Variants in ECI1 observed in about 807,000 individuals in gnomAD.
ECI1 encodes enoyl-CoA delta isomerase 1, mitochondrial.
In ECI1, 34 loss-of-function variants were observed where a neutral mutation model predicts 34.2. The observed-to-expected ratio is 1.00, with a 90% CI of 0.76 to 1.33. The LOEUF is 1.33. Ranked by LOEUF, ECI1 falls within the 40% of genes most tolerant of loss-of-function variation. ECI1 has a pLI of 0.00. For missense variants in ECI1, 456 were observed against 422.2 expected (o/e 1.08, Z -0.70); for synonymous variants, 211 against 193.0 (o/e 1.09, Z -0.77).
At chr16:2,246,668 G>A (rs114565877) in intron 3 of ECI1, among the ~76,000 whole-genome samples, 191 bp downstream of exon 3, 2,851 of 152,312 alleles carry the variant, frequency 0.019, 83 homozygotes, top group African/African-American at 0.064. Flanking sequence ...GGTCCCTGCT[G>A]GGGCACACCC....
At chr16:2,251,240 C>A in intron 2 of ECI1, 76 bp downstream of exon 2, 1 of 676,802 alleles carries the variant, frequency 1.5e-6, no homozygotes, top group Non-Finnish European at 1.9e-6. Flanking sequence ...ACGTGGTTCT[C>A]CGACAGCACC....
At chr16:2,249,414 C>G (rs371014610) in intron 2 of ECI1, among the ~76,000 whole-genome samples, 1 of 151,980 alleles carries the variant, frequency 6.6e-6, no homozygotes, top group Non-Finnish European at 1.5e-5. Flanking sequence ...AATATACTTA[C>G]GGCCACGGGG....
chr16:2,250,969 G>A (rs976527134), intron 2 of ECI1, among the ~76,000 whole-genome samples: 6 of 151,932 alleles, frequency 3.9e-5, no homozygotes, highest in Non-Finnish European at 5.9e-5. Flanking sequence ...GCACCACCAC[G>A]CCCAGCTAAT....
chr16:2,244,393 T>C lies in ECI1; in HGVS notation c.441+13A>G. 1 of 1,610,704 alleles carries C rather than the reference T, an allele frequency of 6.2e-7. No homozygotes were observed. The highest frequency in any genetic ancestry group is 8.5e-7 in the Non-Finnish European group (1 of 1,179,248). On this transcript the variant is annotated intron_variant, in intron 4 of 6. Transcript: ENST00000301729. ...AACAGCCAGCGAGGCCACCTGGGAG[T>C]GGGGACACTCACGTTGATGGCGGAG...
At position 2,251,391 on chromosome 16, in the gene ECI1, G is replaced by A; in HGVS notation, c.91C>T (p.Arg31Trp). ...GCGCCGTCTCCGCCGCCGGCCGCCC[G>A]CTCCGTCCGCCCGAGGGCCGCGCCC... Reference protein sequence around the residue: ...LPGAALGRTERAAGGGDGARR... With the variant: ...LPGAALGRTEWAAGGGDGARR... The change falls in exon 2 of 7, where the codon CGG becomes TGG. Residue 31 changes from arginine (R) to tryptophan (W), a missense_variant. Arg to Trp is a moderately radical substitution (Grantham distance 101). Transcript: ENST00000301729. 1.6e-6 allele frequency: 2 copies of A among 1,272,650 alleles called. No homozygotes were observed. The highest frequency in any genetic ancestry group is 4.0e-5 in the Admixed American group (1 of 25,180). 78.8% of individuals were successfully genotyped at this position (1,272,650 alleles called of 1,614,324 possible).
chr16:2,247,394 C>T (rs540088371), intron 2 of ECI1, among the ~76,000 whole-genome samples: 1 of 152,128 alleles, frequency 6.6e-6, no homozygotes, highest in South Asian at 2.1e-4. Context: ...CGCGCCTGGT[C>T]CTATTTTTAT....
chr16:2,242,118 A>C (rs2093529447), intron 6 of ECI1, among the ~76,000 whole-genome samples: 1 of 152,080 alleles, frequency 6.6e-6, no homozygotes, highest in African/African-American at 2.4e-5. Context: ...TCGGCCTCTT[A>C]AAATGTTGGG....
intron 2 of ECI1, among the ~76,000 whole-genome samples, chr16:2,247,407 ACTTTTTTGAG>A (rs2093542946): frequency 6.7e-6 from 1 of 148,454 alleles, no homozygotes; most frequent in African/African-American, 2.5e-5. Context: ...ATTTTTATTT[ACTTTTTTGAG>A]ACGGAGTTTT....
chr16:2,249,570 C>T (rs1209819540), intron 2 of ECI1, among the ~76,000 whole-genome samples: 3 of 151,694 alleles, frequency 2.0e-5, no homozygotes, highest in Admixed American at 6.6e-5. Context: ...CCCCACTTTA[C>T]CATATAAAAA....
At chr16:2,246,785 A>G in intron 3 of ECI1, 74 bp downstream of exon 3, 9 of 1,605,566 alleles carry the variant, frequency 5.6e-6, no homozygotes, top group Non-Finnish European at 7.7e-6. Context: ...TTCCATGTGC[A>G]ACAGGCCTGG....
At chr16:2,242,745 C>T (rs2093530570) in intron 6 of ECI1, 1 of 483,078 alleles carries the variant, frequency 2.1e-6, no homozygotes, top group Non-Finnish European at 3.8e-6. Context: ...CCCACAAGCC[C>T]AGGGAGGCCT....
rs910830437 is a variant in ECI1, at chr16:2,243,207, T to C, written c.581A>G (p.Glu194Gly). Residue 194 changes from glutamate to glycine, a missense_variant, in exon 6 of 7, where the codon GAG becomes GGG. By Grantham distance (98) the Glu-to-Gly change is moderately conservative (BLOSUM62 -2). Transcript: ENST00000301729. ...IAPFWLKDTLENTIGHRAAER... is the reference protein window; with the variant it reads ...IAPFWLKDTLGNTIGHRAAER... ...CGCCGCCCGGTGCCCGATGGTGTTC[T>C]CCAGGGTGTCTTTCAACCTGGAAAT... 2 of 1,611,622 alleles carry C rather than the reference T, an allele frequency of 1.2e-6. No homozygotes were observed. Among genetic ancestry groups the C allele is most frequent in the African/African-American group, 2.7e-5 (2 of 74,936 alleles).
chr16:2,251,262 G>A, intron 2 of ECI1, 54 bp downstream of exon 2: 1 of 897,042 alleles, frequency 1.1e-6, no homozygotes, highest in South Asian at 5.1e-5. Flanking sequence ...CGCGAGCGCG[G>A]ACCCCCGCGG....
At chr16:2,242,062 G>A (rs2093529321) in intron 6 of ECI1, among the ~76,000 whole-genome samples, 3 of 152,128 alleles carry the variant, frequency 2.0e-5, no homozygotes, top group Admixed American at 6.6e-5. Context: ...GTTTCACCGT[G>A]TTAGCCAGGA....
intron 2 of ECI1, among the ~76,000 whole-genome samples, chr16:2,248,515 A>G (rs28822747): frequency 0.048 from 7,223 of 151,816 alleles, 556 homozygotes; most frequent in African/African-American, 0.16. Flanking sequence ...CCTGGGTTCA[A>G]GCCATTCTTC....
chr16:2,246,725 G>A (rs2093541102), intron 3 of ECI1, 134 bp downstream of exon 3: 1 of 1,400,060 alleles, frequency 7.1e-7, no homozygotes, highest in African/African-American at 1.4e-5. Flanking sequence ...GGAGTCCAGG[G>A]TGGTGGGGCT....
At chr16:2,250,969 G>C (rs976527134) in intron 2 of ECI1, among the ~76,000 whole-genome samples, 14 of 151,932 alleles carry the variant, frequency 9.2e-5, no homozygotes, top group African/African-American at 2.9e-4. Context: ...GCACCACCAC[G>C]CCCAGCTAAT....
intron 5 of ECI1, 35 bp from the exon 6 acceptor site, chr16:2,243,259 C>G (rs780962350): frequency 3.2e-5 from 52 of 1,613,042 alleles, no homozygotes; most frequent in Non-Finnish European, 4.4e-5. Context: ...CACATGGCCC[C>G]AGGCGGGTCT....
intron 2 of ECI1, among the ~76,000 whole-genome samples, chr16:2,250,939 A>G (rs2093551797): frequency 1.3e-5 from 2 of 152,116 alleles, no homozygotes; most frequent in Non-Finnish European, 2.9e-5. Flanking sequence ...CTTCTGCCTC[A>G]GCCTCCCAGG....
Sources: gnomAD v4.1 joint callset for allele counts (sites outside exome capture counted in the v4.1 genomes callset) on GRCh38, gnomAD v4.1.1 for gene constraint, MANE v1.5 for transcripts, NCBI Gene and HGNC (gene_info 2026-07-23, HGNC 2026-07-21) for gene names.